The following LARS2 variants were observed in gnomAD, a reference collection of about 807,000 sequenced individuals.
LARS2 encodes leucine--tRNA ligase, mitochondrial.
LARS2 carries 81 observed loss-of-function variants against 116.6 expected under a neutral mutation model. That is an observed-to-expected ratio of 0.69 (90% CI 0.58 to 0.84). The LOEUF (loss-of-function observed/expected upper bound fraction) is 0.84, where lower values mean the gene tolerates loss of function less well. Ranked by LOEUF, LARS2 falls within the 40% of genes least tolerant of loss-of-function variation. LARS2 has a pLI of 0.00. For missense variants in LARS2, 968 were observed against 1,114.5 expected (o/e 0.87, Z 1.87); for synonymous variants, 396 against 407.2 (o/e 0.97, Z 0.33).
intron 10 of LARS2, among the ~76,000 whole-genome samples, chr3:45,482,364 G>T (rs540105094): frequency 6.6e-6 from 1 of 152,176 alleles, no homozygotes; most frequent in East Asian, 1.9e-4. Context: ...TTCCTTAGGA[G>T]ATATTCCCAA....
At chr3:45,497,262 TTTAAGCTGTATTCATGTGTTTA>T (rs1326298275) in intron 14 of LARS2, among the ~76,000 whole-genome samples, 2 of 152,226 alleles carry the variant, frequency 1.3e-5, no homozygotes, top group Middle Eastern at 3.4e-3. Context: ...CATTTTGATT[TTTAAGCTGTATTCATGTGTTTA>T]TTTGAACCCC....
Position 45,430,911 on chromosome 3 carries a change from T to C in LARS2, c.516+11182T>C, listed in dbSNP as rs180747303. ...AATTTTTATTTTTTAATGGTTGTTA[T>C]GGACTGAATGTATCCCTCTAAAATT... On this transcript the variant is annotated intron_variant, in intron 6 of 21. Coordinates refer to ENST00000645846, the MANE Select transcript of LARS2 (RefSeq NM_015340.4). 4.6e-5 allele frequency among the ~76,000 whole-genome samples: 7 copies of C among 152,288 alleles called. No individual in the cohort carries two copies. The East Asian group carries it at 1.2e-3, about 25-fold the overall frequency.
At chr3:45,511,820 C>T (rs1700296390) in intron 15 of LARS2, among the ~76,000 whole-genome samples, 1 of 139,934 alleles carries the variant, frequency 7.1e-6, no homozygotes, top group Admixed American at 7.5e-5. Context: ...CTCTGTCTCC[C>T]AGGCTGGGGT....
chr3:45,530,140 TA>T (rs954085169), intron 20 of LARS2, among the ~76,000 whole-genome samples: 1 of 152,238 alleles, frequency 6.6e-6, no homozygotes, highest in African/African-American at 2.4e-5. Context: ...ATTTCCAGTT[TA>T]ACAATATGAT....
chr3:45,475,274 GCTTATAATT>G (rs1273809453), intron 9 of LARS2, among the ~76,000 whole-genome samples: 1 of 152,164 alleles, frequency 6.6e-6, no homozygotes, highest in Non-Finnish European at 1.5e-5. Flanking sequence ...TTGCCACTCA[GCTTATAATT>G]CCCTGTGCAG....
At chr3:45,515,123 T>G (rs61692029) in intron 16 of LARS2, among the ~76,000 whole-genome samples, 1 of 152,196 alleles carries the variant, frequency 6.6e-6, no homozygotes, top group Non-Finnish European at 1.5e-5. Context: ...CCAAACCCAG[T>G]TGCAGAAAAT....
At chr3:45,499,056 G>T (rs188909971) in intron 14 of LARS2, among the ~76,000 whole-genome samples, 1 of 152,274 alleles carries the variant, frequency 6.6e-6, no homozygotes, top group East Asian at 1.9e-4. Context: ...AACTTGGGGA[G>T]GCCGAGGCAG....
intron 21 of LARS2, among the ~76,000 whole-genome samples, chr3:45,545,393 C>G (rs1410178915): frequency 6.6e-6 from 1 of 152,236 alleles, no homozygotes; most frequent in Non-Finnish European, 1.5e-5. Flanking sequence ...AAGAGCCCCA[C>G]AGCATAGCAG....
intron 8 of LARS2, among the ~76,000 whole-genome samples, chr3:45,465,923 A>C (rs546437271): frequency 6.6e-6 from 1 of 152,336 alleles, no homozygotes; most frequent in African/African-American, 2.4e-5. Context: ...GGAAATAAAG[A>C]CAGGTATGCT....
chr3:45,524,676 A>G (rs1309912064), intron 20 of LARS2, among the ~76,000 whole-genome samples: 1 of 152,194 alleles, frequency 6.6e-6, no homozygotes, highest in Non-Finnish European at 1.5e-5. Context: ...GTGACATGTA[A>G]TTGAGCTCCT....
chr3:45,393,080 TTAC>T (rs1697982668), intron 2 of LARS2, among the ~76,000 whole-genome samples: 1 of 152,202 alleles, frequency 6.6e-6, no homozygotes, highest in African/African-American at 2.4e-5. Context: ...TTTCCAGTAT[TTAC>T]CTGTGGAAGA....
chr3:45,445,634 T>G (rs1014176892), intron 6 of LARS2, among the ~76,000 whole-genome samples: 1 of 152,246 alleles, frequency 6.6e-6, no homozygotes. Flanking sequence ...GTTCACTAGT[T>G]GCCTTGAAGT....
In LARS2 at chr3:45,403,551, G is replaced by A. The variant is rs548611395; in HGVS notation, c.363+3178G>A. Among the ~76,000 whole-genome samples the A allele has an allele frequency of 1.2e-3, 188 of 152,276 alleles. 1 individual carries two copies. In the Middle Eastern group the frequency reaches 0.024, roughly 19 times the overall value. ...GGCTGGTCTCGAACTCCTGACCTCAGATGATCCGCCCGCCTTGGGACAGTT... is the reference window on the plus strand; with the variant it reads ...GGCTGGTCTCGAACTCCTGACCTCAAATGATCCGCCCGCCTTGGGACAGTT... On this transcript the variant is annotated intron_variant, in intron 4 of 21. Coordinates refer to ENST00000645846, the MANE Select transcript of LARS2 (RefSeq NM_015340.4).
chr3:45,537,818 C>A (rs1700730824), intron 20 of LARS2, among the ~76,000 whole-genome samples: 3 of 152,152 alleles, frequency 2.0e-5, no homozygotes, highest in Admixed American at 2.0e-4. Context: ...GCCATGGTGA[C>A]ATGGTGACCT....
Position 45,476,629 on chromosome 3 carries a change from T to A in LARS2, c.1018+2T>A. ...GGATGGCCCTTGTCCCTGGCAAAGG[T>A]GAGCTGGCAAGTTAACGGCTCAGGT... On this transcript the variant is annotated splice_donor_variant, in intron 10 of 21. Coordinates refer to ENST00000645846, the MANE Select transcript of LARS2 (RefSeq NM_015340.4). LOFTEE classifies it high-confidence loss of function. 4 of 1,613,908 alleles carry A rather than the reference T, an allele frequency of 2.5e-6. No individual in the cohort carries two copies. Among genetic ancestry groups the A allele is most frequent in the Non-Finnish European group, 3.4e-6 (4 of 1,179,858 alleles).
intron 6 of LARS2, among the ~76,000 whole-genome samples, chr3:45,428,650 A>G (rs1698640091): frequency 6.6e-6 from 1 of 152,140 alleles, no homozygotes; most frequent in Admixed American, 6.5e-5. Flanking sequence ...ACCTACATAC[A>G]GTTTTTAAAG....
chr3:45,400,507 A>T (rs1698128113), intron 4 of LARS2, 134 bp downstream of exon 4: 10 of 815,060 alleles, frequency 1.2e-5, no homozygotes, highest in Non-Finnish European at 1.8e-5. Context: ...GGACATGAAA[A>T]GCTCAGTGTT....
In LARS2 at chr3:45,417,548, C is replaced by T. The variant is rs754033851; in HGVS notation, c.430C>T (p.Leu144=). The change falls in exon 5 of 22, where the codon CTA becomes TTA. Residue 144 remains leucine, a synonymous_variant. Transcript: ENST00000645846. The stretch of plus-strand genomic sequence containing the variant: ...TGAAAATGCCGCAGTCGAGAGGAAT[C>T]TACATCCACAAAGTTGGACACAAAG... ...PAENAAVERN[L]HPQSWTQSNI... is the part of the protein sequence containing the mutation. The T allele has an allele frequency of 1.2e-6, 2 of 1,613,678 alleles. No homozygotes were observed. The highest frequency in any genetic ancestry group is 4.5e-5 in the East Asian group (2 of 44,888).
At position 45,516,214 on chromosome 3, in the gene LARS2, C is replaced by G. The variant is rs763484078; in HGVS notation, c.1982C>G (p.Thr661Arg). The G allele has an allele frequency of 1.2e-6, 2 of 1,614,056 alleles. No individual in the cohort carries two copies. The highest frequency in any genetic ancestry group is 1.7e-6 in the Non-Finnish European group (2 of 1,180,024). ...EEVVEQYGID[T>R]IRLYILFAAP... is the part of the protein sequence containing the mutation. ...GTTGTGGAGCAGTATGGGATCGACA[C>G]GATTCGGCTCTACATCCTTTTTGCT... The change falls in exon 17 of 22, where the codon ACG becomes AGG. Residue 661 changes from threonine to arginine, a missense_variant. Thr to Arg is a moderately conservative substitution (Grantham distance 71). Transcript: ENST00000645846.
Sources: gnomAD v4.1 joint callset for allele counts (sites outside exome capture counted in the v4.1 genomes callset) on GRCh38, gnomAD v4.1.1 for gene constraint, MANE v1.5 for transcripts, NCBI Gene and HGNC (gene_info 2026-07-23, HGNC 2026-07-21) for gene names.